PID1: variants seen among roughly 807,000 people sequenced by gnomAD.
The protein encoded by PID1 is phosphotyrosine interaction domain containing 1, also known as PTB-containing, cubilin and LRP1-interacting protein.
In PID1, 10 loss-of-function variants were observed where a neutral mutation model predicts 19.1. That is an observed-to-expected ratio of 0.52 (90% CI 0.32 to 0.89). The LOEUF is 0.89. Ranked by LOEUF, PID1 falls within the 40% of genes least tolerant of loss-of-function variation. The probability of loss-of-function intolerance (pLI) is 0.03; values close to 1 mark genes in which losing one functional copy is unlikely to be tolerated. For synonymous variants in PID1, 130 were observed against 116.0 expected, an observed-to-expected ratio of 1.12 and a Z score of -0.78; for missense variants, 248 against 285.3, an observed-to-expected ratio of 0.87 and a Z score of 0.94.
intron 1 of PID1, among the ~76,000 whole-genome samples, chr2:229,202,033 G>A (rs544389474): frequency 1.4e-3 from 210 of 152,126 alleles, no homozygotes; most frequent in African/African-American, 5.0e-3. Flanking sequence ...AAAAGAAATA[G>A]AAGTGAAGCT....
At chr2:229,174,628 T>C (rs149428963) in intron 1 of PID1, among the ~76,000 whole-genome samples, 216 of 150,866 alleles carry the variant, frequency 1.4e-3, no homozygotes, top group African/African-American at 5.0e-3. Flanking sequence ...GTACCACAGA[T>C]ATACTGTGTA....
At chr2:229,102,860 A>G (rs1161527125) in intron 2 of PID1, among the ~76,000 whole-genome samples, 1 of 152,186 alleles carries the variant, frequency 6.6e-6, no homozygotes, top group African/African-American at 2.4e-5. Flanking sequence ...CACCCAGGAC[A>G]GCCTCCATGA....
At chr2:229,130,743 G>A (rs768787224) in intron 2 of PID1, among the ~76,000 whole-genome samples, 2 of 152,214 alleles carry the variant, frequency 1.3e-5, no homozygotes, top group Non-Finnish European at 2.9e-5. Context: ...TGCCCCCAGT[G>A]TTAGCTAAAC....
chr2:229,069,217 A>G (rs886161241), intron 2 of PID1, among the ~76,000 whole-genome samples: 3 of 150,900 alleles, frequency 2.0e-5, no homozygotes. Flanking sequence ...GAAAAATTAC[A>G]TATTTTCTCC....
At chr2:229,180,861 G>A (rs1473213001) in intron 1 of PID1, among the ~76,000 whole-genome samples, 1 of 152,158 alleles carries the variant, frequency 6.6e-6, no homozygotes, top group Non-Finnish European at 1.5e-5. Context: ...CTGTCCCTTC[G>A]GAACGGCGCT....
chr2:229,031,722 G>T (rs556016916), intron 2 of PID1, among the ~76,000 whole-genome samples: 1 of 152,146 alleles, frequency 6.6e-6, no homozygotes, highest in African/African-American at 2.4e-5. Context: ...ATAAAATGAC[G>T]TAGCAAGACC....
chr2:229,049,181 A>G (rs546890520), intron 2 of PID1, among the ~76,000 whole-genome samples: 5 of 152,136 alleles, frequency 3.3e-5, no homozygotes, highest in African/African-American at 4.8e-5. Context: ...ATGTTTTTCA[A>G]TAATGATGAT....
chr2:229,153,886 C>T (rs1380616572), intron 2 of PID1, among the ~76,000 whole-genome samples: 2 of 152,206 alleles, frequency 1.3e-5, no homozygotes, highest in Non-Finnish European at 2.9e-5. Context: ...CTTGTCCCTA[C>T]TGATTTCATC....
In PID1 at chr2:229,156,715, T is replaced by C. The variant is rs550950056; in HGVS notation, c.31-751A>G. 6.6e-5 allele frequency among the ~76,000 whole-genome samples: 10 copies of C among 152,220 alleles called. No individual in the cohort carries two copies. The South Asian group carries it at 2.1e-3, about 32-fold the overall frequency. On this transcript the variant is annotated intron_variant, in intron 1 of 2. Coordinates refer to ENST00000392055, the MANE Select transcript of PID1 (RefSeq NM_001100818.2). The stretch of plus-strand genomic sequence containing the variant: ...CCAGAGAGATCCTTCTAAAATCTAA[T>C]TGTGCCATGCCACCTCTGCTCAAAC...
intron 1 of PID1, among the ~76,000 whole-genome samples, chr2:229,223,668 CTG>C (rs1259276438): frequency 6.6e-6 from 1 of 152,248 alleles, no homozygotes; most frequent in Non-Finnish European, 1.5e-5. Context: ...GGCTACAACA[CTG>C]TCTGCCATGG....
intron 1 of PID1, among the ~76,000 whole-genome samples, chr2:229,157,841 C>T (rs1690408268): frequency 6.6e-6 from 1 of 152,146 alleles, no homozygotes; most frequent in Non-Finnish European, 1.5e-5. Context: ...CACCTACGTA[C>T]TGAAATGATA....
chr2:229,251,707 T>G (rs1157094651), intron 1 of PID1, among the ~76,000 whole-genome samples: 2 of 152,136 alleles, frequency 1.3e-5, no homozygotes, highest in Non-Finnish European at 2.9e-5. Flanking sequence ...AAATCAAAAT[T>G]AAATTTCCTA....
intron 1 of PID1, among the ~76,000 whole-genome samples, chr2:229,221,597 T>C (rs1207690256): frequency 1.3e-5 from 2 of 152,194 alleles, no homozygotes; most frequent in Non-Finnish European, 2.9e-5. Flanking sequence ...CTCAGTCATC[T>C]TCTTTCCTCC....
chr2:229,095,650 C>A (rs1268618452), intron 2 of PID1, among the ~76,000 whole-genome samples: 1 of 152,136 alleles, frequency 6.6e-6, no homozygotes, highest in Non-Finnish European at 1.5e-5. Flanking sequence ...CAAAGATACT[C>A]ATTATAGACA....
intron 1 of PID1, among the ~76,000 whole-genome samples, chr2:229,168,189 A>G (rs1231364401): frequency 1.3e-5 from 2 of 152,202 alleles, no homozygotes; most frequent in Admixed American, 6.5e-5. Flanking sequence ...GAATCCATAG[A>G]TCTGTGGTTT....
At chr2:229,229,454 G>A (rs568721843) in intron 1 of PID1, among the ~76,000 whole-genome samples, 20 of 141,712 alleles carry the variant, frequency 1.4e-4, no homozygotes, top group African/African-American at 5.2e-4. Context: ...GCAACAAGAC[G>A]AAACCGCATC....
In PID1 at chr2:229,024,126, C is replaced by T. The variant is rs1693359016; in HGVS notation, c.*1506G>A. 1 of 152,576 alleles carries T rather than the reference C, an allele frequency of 6.6e-6. No individual in the cohort carries two copies. The highest frequency in any genetic ancestry group is 2.1e-4 in the South Asian group (1 of 4,826). The allele number at this position is 152,576 out of a possible 1,614,324, so 9.5% of individuals were successfully genotyped here. Reference sequence around the variant, plus strand: ...ATGACTCCATGCTTATTCTACATGCCTGAAAACTGGGCCCACACACAGGGG... The same window carrying T: ...ATGACTCCATGCTTATTCTACATGCTTGAAAACTGGGCCCACACACAGGGG... On this transcript the variant is annotated 3_prime_UTR_variant, in exon 3 of 3. Transcript: ENST00000392055.
At chr2:229,098,858 C>T (rs1408168569) in intron 2 of PID1, among the ~76,000 whole-genome samples, 2 of 152,188 alleles carry the variant, frequency 1.3e-5, no homozygotes, top group African/African-American at 2.4e-5. Flanking sequence ...TCTGCTCTCG[C>T]CACGTTCGTG....
At chr2:229,060,571 C>A (rs1465754520) in intron 2 of PID1, among the ~76,000 whole-genome samples, 1 of 152,128 alleles carries the variant, frequency 6.6e-6, no homozygotes, top group Non-Finnish European at 1.5e-5. Flanking sequence ...AATAATGCTG[C>A]AATGAACATG....
Sources: gnomAD v4.1 joint callset for allele counts (sites outside exome capture counted in the v4.1 genomes callset) on GRCh38, gnomAD v4.1.1 for gene constraint, MANE v1.5 for transcripts, NCBI Gene and HGNC (gene_info 2026-07-23, HGNC 2026-07-21) for gene names.